The following PIK3R1 variants were observed in gnomAD, a reference collection of about 807,000 sequenced individuals.
PIK3R1 encodes phosphoinositide-3-kinase regulatory subunit 1.
In PIK3R1, 29 loss-of-function variants were observed where a neutral mutation model predicts 98.0. The observed-to-expected ratio is 0.30, with a 90% confidence interval of 0.22 to 0.40. The LOEUF is 0.40. Among genes scored for constraint, PIK3R1 ranks in the 10% least tolerant of loss-of-function variants. The pLI, the probability that PIK3R1 is intolerant of heterozygous loss-of-function variation, is 1.00. For synonymous variants in PIK3R1, 282 were observed against 311.8 expected (o/e 0.90, Z 1.01); for missense variants, 596 against 872.7 (o/e 0.68, Z 3.99).
At chr5:68,221,299 A>G (rs1744084543) in intron 1 of PIK3R1, among the ~76,000 whole-genome samples, 1 of 152,238 alleles carries the variant, frequency 6.6e-6, no homozygotes, top group African/African-American at 2.4e-5. Context: ...GATTTCTGGG[A>G]CACCATGATT....
At chr5:68,289,128 G>A (rs1338920840) in intron 7 of PIK3R1, among the ~76,000 whole-genome samples, 1 of 152,130 alleles carries the variant, frequency 6.6e-6, no homozygotes, top group African/African-American at 2.4e-5. Context: ...CTGGCACTCT[G>A]GGCTGTTACA....
chr5:68,254,388 G>T (rs1178168912), intron 2 of PIK3R1, among the ~76,000 whole-genome samples: 2 of 152,082 alleles, frequency 1.3e-5, no homozygotes, highest in Non-Finnish European at 1.5e-5. Flanking sequence ...AGGACCAGAG[G>T]GATCATCTAC....
intron 7 of PIK3R1, among the ~76,000 whole-genome samples, chr5:68,284,619 G>A (rs1747004903): frequency 6.6e-6 from 1 of 152,212 alleles, no homozygotes; most frequent in Non-Finnish European, 1.5e-5. Context: ...CATTCAGTAT[G>A]TTTATGCCTT....
chr5:68,226,555 C>T lies in PIK3R1; in HGVS notation c.-121C>T. On this transcript the variant is annotated 5_prime_UTR_variant, in exon 2 of 16. Coordinates refer to ENST00000521381, the MANE Select transcript of PIK3R1 (RefSeq NM_181523.3). ...AACCTTTGGAGAGTGGTCCTTTGTCCTCTGCTGGACACATAATAGGAATTC... is the reference window on the plus strand; with the variant it reads ...AACCTTTGGAGAGTGGTCCTTTGTCTTCTGCTGGACACATAATAGGAATTC... The T allele has an allele frequency of 1.3e-6, 1 of 787,496 alleles. No individual in the cohort carries two copies. Among genetic ancestry groups the T allele is most frequent in the Non-Finnish European group, 2.0e-6 (1 of 491,704 alleles). The allele number at this position is 787,496 out of a possible 1,614,324, so 48.8% of individuals were successfully genotyped here.
chr5:68,295,995 G>A (rs1015643481), intron 14 of PIK3R1, among the ~76,000 whole-genome samples, 176 bp from the exon 15 acceptor site: 2 of 152,188 alleles, frequency 1.3e-5, no homozygotes, highest in Admixed American at 1.3e-4. Context: ...TGCACTGGAG[G>A]CTGAATACCA....
At chr5:68,253,576 A>G (rs1176382713) in intron 2 of PIK3R1, among the ~76,000 whole-genome samples, 1 of 152,132 alleles carries the variant, frequency 6.6e-6, no homozygotes, top group East Asian at 1.9e-4. Flanking sequence ...CATTTACTTG[A>G]CTTAAAAATA....
At chr5:68,278,772 T>C (rs759369303) in intron 4 of PIK3R1, among the ~76,000 whole-genome samples, 5 of 152,006 alleles carry the variant, frequency 3.3e-5, no homozygotes, top group Non-Finnish European at 7.4e-5. Context: ...AAACCCTGTC[T>C]CTACTAAAAA....
chr5:68,293,650 T>C (rs1372727488), intron 10 of PIK3R1, 59 bp from the exon 11 acceptor site: 1 of 1,274,306 alleles, frequency 7.8e-7, no homozygotes, highest in African/African-American at 1.5e-5. Flanking sequence ...AGCTATTTTG[T>C]TAAACAATTG....
intron 2 of PIK3R1, among the ~76,000 whole-genome samples, chr5:68,267,804 A>G (rs1746186389): frequency 6.6e-6 from 1 of 152,166 alleles, no homozygotes; most frequent in South Asian, 2.1e-4. Context: ...TAAATTGAAA[A>G]TATTTTGGTT....
At chr5:68,258,029 T>C (rs1343436593) in intron 2 of PIK3R1, among the ~76,000 whole-genome samples, 3 of 152,186 alleles carry the variant, frequency 2.0e-5, no homozygotes, top group Admixed American at 1.3e-4. Context: ...AAGCAGATAT[T>C]TGAGCTGTGA....
At chr5:68,290,138 A>G (rs968376609) in intron 7 of PIK3R1, among the ~76,000 whole-genome samples, 1 of 152,222 alleles carries the variant, frequency 6.6e-6, no homozygotes, top group African/African-American at 2.4e-5. Flanking sequence ...CATTTGTGAC[A>G]GTGTTTGAAT....
intron 1 of PIK3R1, among the ~76,000 whole-genome samples, chr5:68,222,455 T>TAAA (rs1744124752): frequency 6.6e-6 from 1 of 151,608 alleles, no homozygotes; most frequent in African/African-American, 2.4e-5. Flanking sequence ...GCAGAGGTGC[T>TAAA]AAGGATACAG....
chr5:68,261,350 C>G (rs189010786), intron 2 of PIK3R1, among the ~76,000 whole-genome samples: 1 of 152,006 alleles, frequency 6.6e-6, no homozygotes, highest in South Asian at 2.1e-4. Context: ...AATGTTTTGC[C>G]CAAAGTTACC....
chr5:68,236,227 G>A (rs1343286162), intron 2 of PIK3R1, among the ~76,000 whole-genome samples: 1 of 150,948 alleles, frequency 6.6e-6, no homozygotes, highest in African/African-American at 2.4e-5. Flanking sequence ...CTGCAAAGAT[G>A]GCATATTATA....
intron 2 of PIK3R1, among the ~76,000 whole-genome samples, chr5:68,258,998 T>C (rs1233456530): frequency 2.6e-5 from 4 of 152,186 alleles, no homozygotes. Flanking sequence ...TTTTTTTCTT[T>C]ATACTTAGCT....
intron 2 of PIK3R1, among the ~76,000 whole-genome samples, chr5:68,233,593 T>G (rs1744558896): frequency 6.6e-6 from 1 of 152,248 alleles, no homozygotes; most frequent in South Asian, 2.1e-4. Context: ...CTTACCAATT[T>G]ATGTAATATT....
At chr5:68,219,737 T>C (rs1197154300) in intron 1 of PIK3R1, among the ~76,000 whole-genome samples, 1 of 152,238 alleles carries the variant, frequency 6.6e-6, no homozygotes, top group Admixed American at 6.5e-5. Context: ...TAGAACTGTT[T>C]GCAGAGTTAA....
chr5:68,243,504 A>G (rs776936320), intron 2 of PIK3R1, among the ~76,000 whole-genome samples: 1 of 152,246 alleles, frequency 6.6e-6, no homozygotes, highest in Non-Finnish European at 1.5e-5. Flanking sequence ...GAATTAAAAG[A>G]GGGCGGAGTT....
rs5868527 is a variant in PIK3R1 at position 68,252,372 on chromosome 5, C to CA, written c.335-21006dup. On this transcript the variant is annotated intron_variant, in intron 2 of 15. Coordinates refer to ENST00000521381, the MANE Select transcript of PIK3R1 (RefSeq NM_181523.3). ...GTTGCTGGTGAGATTACTGAATTTA[C>CA]AAAAAAAAAAAAGTGGGGGGATCAG... 0.87 allele frequency among the ~76,000 whole-genome samples: 127,143 copies of CA among 146,854 alleles called. 55,226 individuals are homozygous for CA. The highest frequency in any genetic ancestry group is 0.96 in the African/African-American group (38,319 of 39,872).
Sources: gnomAD v4.1 joint callset for allele counts (sites outside exome capture counted in the v4.1 genomes callset) on GRCh38, gnomAD v4.1.1 for gene constraint, MANE v1.5 for transcripts, NCBI Gene and HGNC (gene_info 2026-07-23, HGNC 2026-07-21) for gene names.